OR2L13: variants seen among roughly 807,000 people sequenced by gnomAD.
The protein encoded by OR2L13 is olfactory receptor family 2 subfamily L member 13.
OR2L13 carries 14 observed loss-of-function variants against 15.3 expected under a neutral mutation model. That is an observed-to-expected ratio of 0.91 (90% CI 0.60 to 1.43). The LOEUF is 1.43. Ranked by LOEUF, OR2L13 falls within the 40% of genes most tolerant of loss-of-function variation. The pLI, the probability that OR2L13 is intolerant of heterozygous loss-of-function variation, is 0.00. For synonymous variants in OR2L13, 152 were observed against 142.9 expected, an observed-to-expected ratio of 1.06 and a Z score of -0.45; for missense variants, 367 against 387.9, an observed-to-expected ratio of 0.95 and a Z score of 0.45.
At chr1:247,965,402 G>A in the OR2L13 span, 3 of 1,610,276 alleles carry the variant, frequency 1.9e-6, no homozygotes, top group African/African-American at 4.0e-5. Context: ...CAAAGTTTTG[G>A]GACAGATTTT....
At chr1:248,069,930 C>A in the OR2L13 span, among the ~76,000 whole-genome samples, 13 of 151,998 alleles carry the variant, frequency 8.6e-5, no homozygotes, top group Admixed American at 4.6e-4. Flanking sequence ...GCTAACTATC[C>A]TAAATATATA....
chr1:248,097,227 C>T (rs1664759496), upstream of OR2L13: 1 of 152,154 alleles, frequency 6.6e-6, no homozygotes, highest in South Asian at 2.1e-4. Flanking sequence ...TCAACCTTGG[C>T]CCAAATAAAC....
At chr1:248,079,869 T>G in the OR2L13 span, among the ~76,000 whole-genome samples, 2 of 152,186 alleles carry the variant, frequency 1.3e-5, no homozygotes, top group African/African-American at 2.4e-5. Flanking sequence ...GATTGATGAA[T>G]TTATCTTCAT....
chr1:248,016,229 T>C, the OR2L13 span, among the ~76,000 whole-genome samples: 343 of 152,320 alleles, frequency 2.3e-3, 1 homozygote, highest in African/African-American at 7.9e-3. Context: ...CACTTGCAAC[T>C]TGGGCACCAT....
the OR2L13 span, among the ~76,000 whole-genome samples, chr1:247,983,760 G>C: frequency 6.6e-6 from 1 of 152,182 alleles, no homozygotes; most frequent in Non-Finnish European, 1.5e-5. Flanking sequence ...CATATCTCCT[G>C]CCACTCACGA....
the OR2L13 span, chr1:248,023,768 C>T: frequency 1.3e-5 from 2 of 152,146 alleles, no homozygotes; most frequent in African/African-American, 4.8e-5. Flanking sequence ...CATGGCTCTC[C>T]ACAAGAGCCC....
chr1:248,097,586 A>G (rs573220136), intron 1 of OR2L13, among the ~76,000 whole-genome samples: 26 of 152,350 alleles, frequency 1.7e-4, no homozygotes, highest in Admixed American at 2.0e-4. Flanking sequence ...TATTGTAGTA[A>G]CTGCCATAAA....
the OR2L13 span, among the ~76,000 whole-genome samples, chr1:248,008,146 CACTT>C: frequency 6.6e-6 from 1 of 152,216 alleles, no homozygotes; most frequent in Non-Finnish European, 1.5e-5. Context: ...TAGAAAATAG[CACTT>C]ACAACCAGAG....
chr1:247,998,299 G>A, the OR2L13 span, among the ~76,000 whole-genome samples: 1 of 152,106 alleles, frequency 6.6e-6, no homozygotes, highest in African/African-American at 2.4e-5. Flanking sequence ...TTTTCTAGAG[G>A]GGAAGGGAGG....
chr1:248,040,632 T>C, the OR2L13 span: 1 of 152,228 alleles, frequency 6.6e-6, no homozygotes, highest in Admixed American at 6.5e-5. Context: ...AATAAGATAT[T>C]CTTTTTTAGC....
At chr1:248,056,020 T>C in the OR2L13 span, 1 of 152,198 alleles carries the variant, frequency 6.6e-6, no homozygotes, top group Non-Finnish European at 1.5e-5. Context: ...TGTCCAGGAA[T>C]TTATCCATTT....
chr1:248,083,912 A>G, the OR2L13 span: 3 of 1,611,632 alleles, frequency 1.9e-6, no homozygotes, highest in Non-Finnish European at 2.5e-6. Flanking sequence ...GGGCTTCTGT[A>G]GAGCGCATGT....
chr1:248,041,832 A>G, the OR2L13 span: 1 of 152,194 alleles, frequency 6.6e-6, no homozygotes, highest in East Asian at 1.9e-4. Flanking sequence ...ACCAGTTAGA[A>G]TGGCAATCAT....
At chr1:247,951,645 T>G in the OR2L13 span, among the ~76,000 whole-genome samples, 1 of 152,210 alleles carries the variant, frequency 6.6e-6, no homozygotes, top group African/African-American at 2.4e-5. Context: ...TAAGTCCTTT[T>G]TGTGTTTTGC....
the OR2L13 span, among the ~76,000 whole-genome samples, chr1:247,985,191 T>G: frequency 6.6e-6 from 1 of 152,142 alleles, no homozygotes. Flanking sequence ...CATGTTGGTG[T>G]GCTGCACCCA....
chr1:248,006,243 A>ATGTGTGTGTGTGTGTG, the OR2L13 span, among the ~76,000 whole-genome samples: 1 of 139,628 alleles, frequency 7.2e-6, no homozygotes, highest in Admixed American at 7.4e-5. Context: ...ATTGCAAGAT[A>ATGTGTGTGTGTGTGTG]TGTGTGTGTG....
the OR2L13 span, among the ~76,000 whole-genome samples, chr1:247,999,311 T>A: frequency 6.6e-6 from 1 of 152,288 alleles, no homozygotes; most frequent in South Asian, 2.1e-4. Context: ...ACTTTCATAA[T>A]CAGTTTCTAT....
At chr1:247,956,646 AAG>A in the OR2L13 span, among the ~76,000 whole-genome samples, 1 of 151,738 alleles carries the variant, frequency 6.6e-6, no homozygotes, top group African/African-American at 2.4e-5. Flanking sequence ...GTTGTCCTTG[AAG>A]AGGTCCTTCA....
the OR2L13 span, among the ~76,000 whole-genome samples, chr1:248,074,120 A>T: frequency 2.0e-5 from 3 of 152,134 alleles, no homozygotes; most frequent in African/African-American, 7.2e-5. Context: ...ATAAATAAAA[A>T]ATTTAAAACT....
Sources: allele counts gnomAD v4.1 joint callset (sites outside exome capture counted in the v4.1 genomes callset), GRCh38; gene constraint gnomAD v4.1.1; transcripts MANE v1.5; gene names NCBI Gene and HGNC (gene_info 2026-07-23, HGNC 2026-07-21).